The following ATRX variants were observed in gnomAD, a reference collection of about 807,000 sequenced individuals.
The protein encoded by ATRX is ATRX chromatin remodeler.
In ATRX, 12 loss-of-function variants were observed where a neutral mutation model predicts 172.6. That is an observed-to-expected ratio of 0.07 (90% CI 0.04 to 0.11). The LOEUF (loss-of-function observed/expected upper bound fraction) is 0.11. Among genes scored for constraint, ATRX ranks in the 10% least tolerant of loss-of-function variants. The probability of loss-of-function intolerance (pLI) is 1.00; values close to 1 mark genes in which losing one functional copy is unlikely to be tolerated. For missense variants in ATRX, 1,368 were observed against 1,767.4 expected (o/e 0.77, Z 4.05); for synonymous variants, 674 against 594.7 (o/e 1.13, Z -1.94).
intron 17 of ATRX, 77 bp downstream of exon 17, chrX:77,634,517 G>T: frequency 1.2e-6 from 1 of 867,384 alleles, no homozygotes; most frequent in Non-Finnish European, 1.7e-6. Flanking sequence ...CTACGACTGT[G>T]CCTGAAACAT....
At chrX:77,531,210 A>C (rs2063564473) in intron 30 of ATRX, among the ~76,000 whole-genome samples, 2 of 112,241 alleles carry the variant, frequency 1.8e-5, no homozygotes, top group Admixed American at 1.9e-4. Flanking sequence ...AGGTACAAAG[A>C]GGAGCTGAAT....
intron 34 of ATRX, among the ~76,000 whole-genome samples, chrX:77,509,429 A>G (rs782502528): frequency 8.0e-5 from 9 of 112,073 alleles, no homozygotes; most frequent in African/African-American, 2.9e-4. Context: ...AGCAAATTGA[A>G]AAACTATCTG....
At chrX:77,660,532 A>G (rs376132850) in intron 12 of ATRX, among the ~76,000 whole-genome samples, 5 of 109,702 alleles carry the variant, frequency 4.6e-5, no homozygotes, top group East Asian at 5.6e-4. Context: ...GCGCCACTGC[A>G]CTCCGGCCTG....
chrX:77,600,628 G>C (rs938789477), intron 22 of ATRX, 64 bp from the exon 23 acceptor site: 6 of 1,129,788 alleles, frequency 5.3e-6, no homozygotes, highest in Admixed American at 2.2e-5. Context: ...TTCTAGATTA[G>C]GAGTTTTAAT....
chrX:77,651,704 C>T (rs1423531058), intron 15 of ATRX, among the ~76,000 whole-genome samples: 1 of 110,321 alleles, frequency 9.1e-6, no homozygotes, highest in Non-Finnish European at 1.9e-5. Flanking sequence ...CTAAAAAATA[C>T]AAAAATTAGC....
intron 22 of ATRX, among the ~76,000 whole-genome samples, chrX:77,614,576 T>A (rs782007772): frequency 2.7e-5 from 3 of 112,205 alleles, no homozygotes; most frequent in Admixed American, 1.9e-4. Context: ...AGTGTTTTTT[T>A]AAAATTTTTA....
In ATRX at chrX:77,696,587, G is replaced by A; in HGVS notation, c.360C>T (p.Ser120=). The A allele has an allele frequency of 8.3e-7, 1 of 1,205,605 alleles. No homozygotes were observed. The highest frequency in any genetic ancestry group is 2.3e-4 in the Middle Eastern group (1 of 4,271). Residue 120 remains serine, a synonymous_variant, in exon 5 of 35, where the codon AGC becomes AGT. Coordinates refer to ENST00000373344, the MANE Select transcript of ATRX (RefSeq NM_000489.6). ...ATTAACACACATTACCTTTTGGCAA[G>A]CTCTGCATAGTAATATCATTTTCTG... ...ENSENDITMQ[S]LPKGTVIVQP...
chrX:77,773,309 C>G (rs1304479500), intron 1 of ATRX, among the ~76,000 whole-genome samples: 1 of 109,597 alleles, frequency 9.1e-6, no homozygotes, highest in Non-Finnish European at 1.9e-5. Context: ...TGGTTTTGAA[C>G]TTTGGGGGTA....
At chrX:77,730,476 G>A (rs1557175599) in intron 1 of ATRX, among the ~76,000 whole-genome samples, 1 of 111,862 alleles carries the variant, frequency 8.9e-6, no homozygotes, top group Non-Finnish European at 1.9e-5. Flanking sequence ...ATGTGCATTA[G>A]AGGCCAAATG....
At chrX:77,590,752 A>G (rs2066218766) in intron 26 of ATRX, among the ~76,000 whole-genome samples, 2 of 112,024 alleles carry the variant, frequency 1.8e-5, no homozygotes, top group Admixed American at 9.5e-5. Context: ...TATGCAAAAA[A>G]TAACTTAAAA....
intron 27 of ATRX, among the ~76,000 whole-genome samples, chrX:77,579,819 AG>A (rs782299104): frequency 1.8e-4 from 20 of 112,581 alleles, no homozygotes; most frequent in African/African-American, 5.8e-4. Flanking sequence ...TGAACTAAAC[AG>A]GGAATCGGGA....
chrX:77,616,075 T>C (rs782767154), intron 22 of ATRX: 10 of 751,847 alleles, frequency 1.3e-5, no homozygotes, highest in Non-Finnish European at 4.7e-6. Flanking sequence ...TTGTATTATT[T>C]TAAAGCATAG....
chrX:77,520,739 C>A (rs373952858), intron 34 of ATRX, 49 bp downstream of exon 34: 23 of 1,177,871 alleles, frequency 2.0e-5, no homozygotes, highest in African/African-American at 8.9e-5. Flanking sequence ...ATTATAAAGT[C>A]AAGAAAATTA....
chrX:77,739,766 C>T (rs1340049294), intron 1 of ATRX, among the ~76,000 whole-genome samples: 1 of 109,417 alleles, frequency 9.1e-6, no homozygotes, highest in African/African-American at 3.3e-5. Context: ...TAAGAAAAAA[C>T]GGGCCAGGCA....
chrX:77,537,196 G>A (rs2066636489), intron 30 of ATRX, among the ~76,000 whole-genome samples: 3 of 112,050 alleles, frequency 2.7e-5, no homozygotes, highest in Non-Finnish European at 5.6e-5. Context: ...CCTTGAGCAA[G>A]TTAACTTGCT....
intron 1 of ATRX, among the ~76,000 whole-genome samples, chrX:77,726,621 A>AT (rs2074054896): frequency 9.0e-6 from 1 of 111,729 alleles, no homozygotes. Context: ...TTAAAGTGTA[A>AT]TAAAAAAAAA....
chrX:77,703,264 C>A (rs782386286), intron 2 of ATRX, among the ~76,000 whole-genome samples: 1 of 112,815 alleles, frequency 8.9e-6, no homozygotes, highest in South Asian at 3.6e-4. Context: ...TTGGCCTGGC[C>A]GGCTACACTC....
At chrX:77,775,534 A>T (rs1179731666) in intron 1 of ATRX, among the ~76,000 whole-genome samples, 2 of 109,750 alleles carry the variant, frequency 1.8e-5, no homozygotes, top group Non-Finnish European at 3.8e-5. Flanking sequence ...AAATACAAAA[A>T]TTAACTCAGC....
At chrX:77,719,424 G>A (rs2073624052) in intron 1 of ATRX, among the ~76,000 whole-genome samples, 1 of 110,589 alleles carries the variant, frequency 9.0e-6, no homozygotes, top group Admixed American at 9.7e-5. Flanking sequence ...TAAGTAGGAT[G>A]GATATAATAA....
Sources: allele counts gnomAD v4.1 joint callset (sites outside exome capture counted in the v4.1 genomes callset), GRCh38; gene constraint gnomAD v4.1.1; transcripts MANE v1.5; gene names NCBI Gene and HGNC (gene_info 2026-07-23, HGNC 2026-07-21).